Variants in TTC28 observed in about 807,000 individuals in gnomAD.
The protein encoded by TTC28 is tetratricopeptide repeat domain 28.
A neutral mutation model predicts 198.0 loss-of-function variants in TTC28; 61 were observed. The ratio of observed to expected loss-of-function variants is 0.31; its 90% CI spans 0.25 to 0.38. The LOEUF (loss-of-function observed/expected upper bound fraction) is 0.38. TTC28 is among the 10% of genes least tolerant of loss of function. TTC28 has a pLI of 1.00. For missense variants in TTC28, 2,678 were observed against 3,164.0 expected (o/e 0.85, Z 3.69); for synonymous variants, 1,171 against 1,297.8 (o/e 0.90, Z 2.10).
At chr22:28,201,751 C>CAAAAAAAAAAAAAAAAAAAAAAAA (rs34790960) in intron 5 of TTC28, among the ~76,000 whole-genome samples, 2 of 81,010 alleles carry the variant, frequency 2.5e-5, no homozygotes, top group African/African-American at 1.0e-4. Context: ...TTACAGAAAG[C>CAAAAAAAAAAAAAAAAAAAAAAAA]AAAAAAAAAA....
intron 16 of TTC28, chr22:27,997,296 T>G (rs983689629): frequency 6.6e-6 from 1 of 152,262 alleles, no homozygotes; most frequent in African/African-American, 2.4e-5. Flanking sequence ...ACTAAATGCT[T>G]CTTTTCAGCC....
chr22:28,388,703 A>C (rs932228215), intron 2 of TTC28, among the ~76,000 whole-genome samples: 15 of 152,208 alleles, frequency 9.9e-5, no homozygotes, highest in African/African-American at 1.7e-4. Context: ...TATCCTGAGA[A>C]TTTGCTCAAG....
In TTC28 at chr22:28,154,321, ATTT is replaced by A. The variant is rs10537660; in HGVS notation, c.1441+8768_1441+8770del. ...TTTGAACATAAAAGAAAAGATGGCC[ATTT>A]TTTTTTTTTTCTTTTCTTTTCTTTT... On this transcript the variant is annotated intron_variant, in intron 6 of 22. Coordinates refer to ENST00000397906, the MANE Select transcript of TTC28 (RefSeq NM_001145418.2). 2.9e-5 allele frequency among the ~76,000 whole-genome samples: 4 copies of A among 137,354 alleles called. No homozygotes were observed. In the South Asian group the frequency reaches 6.9e-4, roughly 24 times the overall value. 90.1% of individuals were successfully genotyped at this position (137,354 alleles called of 152,430 possible). A position where few individuals can be genotyped will look rare whatever the true frequency, so the allele number is the denominator to read the frequency against.
At chr22:28,148,320 A>C (rs962771308) in intron 6 of TTC28, among the ~76,000 whole-genome samples, 7 of 152,206 alleles carry the variant, frequency 4.6e-5, no homozygotes, top group African/African-American at 1.7e-4. Context: ...AGGCTTTAAG[A>C]ATGAAGTTCT....
intron 2 of TTC28, among the ~76,000 whole-genome samples, chr22:28,422,021 G>A (rs1354099439): frequency 6.6e-6 from 1 of 151,788 alleles, no homozygotes; most frequent in Non-Finnish European, 1.5e-5. Flanking sequence ...GAACAGATTT[G>A]ATGGGGATGT....
chr22:28,284,817 T>C (rs911459328), intron 5 of TTC28, among the ~76,000 whole-genome samples: 4 of 152,210 alleles, frequency 2.6e-5, no homozygotes, highest in South Asian at 2.1e-4. Flanking sequence ...GCTCTTATGA[T>C]GGCTATTACC....
chr22:28,183,265 G>T (rs565293181), intron 5 of TTC28, among the ~76,000 whole-genome samples: 13 of 152,038 alleles, frequency 8.6e-5, no homozygotes, highest in African/African-American at 2.7e-4. Flanking sequence ...TCACTACGTT[G>T]CCCAGGCTGG....
intron 12 of TTC28, 140 bp downstream of exon 12, chr22:28,093,940 T>C: frequency 1.2e-6 from 1 of 848,248 alleles, no homozygotes; most frequent in East Asian, 2.7e-5. Context: ...TATTTGTTTC[T>C]GCTGCAGCAG....
At chr22:28,429,544 T>C (rs946145572) in intron 2 of TTC28, among the ~76,000 whole-genome samples, 1 of 152,224 alleles carries the variant, frequency 6.6e-6, no homozygotes, top group African/African-American at 2.4e-5. Flanking sequence ...ATCATTTATT[T>C]TTGCAGACAA....
intron 2 of TTC28, among the ~76,000 whole-genome samples, chr22:28,489,220 G>T (rs2048346128): frequency 6.6e-6 from 1 of 151,744 alleles, no homozygotes; most frequent in African/African-American, 2.4e-5. Flanking sequence ...GGAATTCGAG[G>T]CTTCTGTTAG....
At chr22:28,280,332 A>AT (rs1416084865) in intron 5 of TTC28, among the ~76,000 whole-genome samples, 1 of 150,526 alleles carries the variant, frequency 6.6e-6, no homozygotes, top group Non-Finnish European at 1.5e-5. Flanking sequence ...TAAAAAAAAA[A>AT]ATTTTTTTTT....
chr22:28,035,916 A>T (rs1032001171), intron 12 of TTC28, among the ~76,000 whole-genome samples: 2 of 152,358 alleles, frequency 1.3e-5, no homozygotes, highest in South Asian at 4.1e-4. Context: ...GGTTAAAGGG[A>T]TCAAGTCAAC....
chr22:28,088,922 A>G (rs190387399), intron 12 of TTC28, among the ~76,000 whole-genome samples: 9 of 152,260 alleles, frequency 5.9e-5, no homozygotes, highest in Non-Finnish European at 1.2e-4. Flanking sequence ...AATGCTCACC[A>G]TCACTGGCCA....
At chr22:28,311,345 A>G (rs1311870671) in intron 2 of TTC28, among the ~76,000 whole-genome samples, 1 of 152,198 alleles carries the variant, frequency 6.6e-6, no homozygotes, top group African/African-American at 2.4e-5. Flanking sequence ...TTTATAATTT[A>G]ACACAACTGG....
rs541324322 is a variant in TTC28 at position 28,498,388 on chromosome 22, A to G, written c.381+131164T>C. ...GAAAAATTTAAATTATGAAATCTCA[A>G]ATACAGTCTAAAATGTGTTCAAATG... On this transcript the variant is annotated intron_variant, in intron 2 of 22. Transcript: ENST00000397906. Among the ~76,000 whole-genome samples the G allele has an allele frequency of 2.0e-3, 300 of 152,318 alleles. 1 individual carries two copies. Among genetic ancestry groups the G allele is most frequent in the African/African-American group, 5.7e-3 (239 of 41,582 alleles).
chr22:28,057,939 C>A (rs1278542310), intron 12 of TTC28, among the ~76,000 whole-genome samples: 1 of 152,066 alleles, frequency 6.6e-6, no homozygotes, highest in East Asian at 1.9e-4. Context: ...CTCTATTCTG[C>A]TCCATTGATC....
chr22:28,210,366 G>A (rs1006213136), intron 5 of TTC28, among the ~76,000 whole-genome samples: 9 of 151,908 alleles, frequency 5.9e-5, no homozygotes, highest in Middle Eastern at 3.4e-3. Context: ...GAGGATGTTC[G>A]AAGAAAAGAA....
intron 12 of TTC28, among the ~76,000 whole-genome samples, chr22:28,035,193 C>T (rs563706547): frequency 4.6e-5 from 7 of 152,170 alleles, no homozygotes; most frequent in Non-Finnish European, 1.0e-4. Flanking sequence ...CCCCACCCCC[C>T]TCCAGGCTTC....
chr22:28,056,733 ACT>A (rs1480162735), intron 12 of TTC28, among the ~76,000 whole-genome samples: 33 of 152,092 alleles, frequency 2.2e-4, no homozygotes, highest in Admixed American at 1.4e-3. Flanking sequence ...TGTGTTCATA[ACT>A]CTATCAAGAT....
Sources: allele counts gnomAD v4.1 joint callset (sites outside exome capture counted in the v4.1 genomes callset), GRCh38; gene constraint gnomAD v4.1.1; transcripts MANE v1.5; gene names NCBI Gene and HGNC (gene_info 2026-07-23, HGNC 2026-07-21).